The following WNK1 variants were observed in gnomAD, a reference collection of about 807,000 sequenced individuals.
WNK1 encodes the protein WNK lysine deficient protein kinase 1.
In WNK1, 38 loss-of-function variants were observed where a neutral mutation model predicts 222.8. That is an observed-to-expected ratio of 0.17 (90% CI 0.13 to 0.22). The LOEUF (loss-of-function observed/expected upper bound fraction) is 0.22. Among genes scored for constraint, WNK1 ranks in the 10% least tolerant of loss-of-function variants. The probability of loss-of-function intolerance (pLI) is 1.00; values close to 1 mark genes in which losing one functional copy is unlikely to be tolerated. For missense variants in WNK1, 2,348 were observed against 2,918.4 expected (o/e 0.80, Z 4.50); for synonymous variants, 1,090 against 1,092.9 (o/e 1.00, Z 0.05).
In WNK1 at chr12:785,523, G is replaced by T. The variant is rs575194942; in HGVS notation, c.760-28119G>T. On this transcript the variant is annotated intron_variant, in intron 1 of 27. Transcript: ENST00000315939. ...TCAAGCAGTTCTGCCTCAGCCTCCCGAGTAGCTGGGATTACAGGCACCCGC... is the reference window on the plus strand; with the variant it reads ...TCAAGCAGTTCTGCCTCAGCCTCCCTAGTAGCTGGGATTACAGGCACCCGC... 2.1e-5 allele frequency among the ~76,000 whole-genome samples: 3 copies of T among 144,232 alleles called. No homozygotes were observed. The South Asian group carries it at 6.5e-4, about 31-fold the overall frequency. 94.6% of individuals were successfully genotyped at this position (144,232 alleles called of 152,430 possible).
chr12:822,878 A>C, intron 2 of WNK1, among the ~76,000 whole-genome samples: 1 of 152,184 alleles, frequency 6.6e-6, no homozygotes, highest in East Asian at 1.9e-4. Context: ...TATGGCTTCA[A>C]GTTATTGTCT....
intron 1 of WNK1, among the ~76,000 whole-genome samples, chr12:778,116 T>C (rs1370160864): frequency 6.6e-6 from 1 of 152,074 alleles, no homozygotes; most frequent in African/African-American, 2.4e-5. Context: ...AATTTCACCT[T>C]TTTGCTTATA....
Position 909,272 on chromosome 12 carries a change from C to T in WNK1, c.*480C>T, listed in dbSNP as rs1223340396. Reference sequence around the variant, plus strand: ...CCTCCTCCCTTTTTTTTACCCCTCTCTTTTTTATTTTTTCTTTGCTCTTTA... The same window carrying T: ...CCTCCTCCCTTTTTTTTACCCCTCTTTTTTTTATTTTTTCTTTGCTCTTTA... On this transcript the variant is annotated 3_prime_UTR_variant, in exon 28 of 28. Transcript: ENST00000315939. 6.0e-6 allele frequency: 1 copy of T among 167,580 alleles called. No homozygotes were observed. Among genetic ancestry groups the T allele is most frequent in the African/African-American group, 2.4e-5 (1 of 41,610 alleles). The allele number at this position is 167,580 out of a possible 1,614,324, so 10.4% of individuals were successfully genotyped here. A position where few individuals can be genotyped will look rare whatever the true frequency, so the allele number is the denominator to read the frequency against.
In WNK1 at chr12:757,309, CTTTT is replaced by C. The variant is rs946901263; in HGVS notation, c.759+3006_759+3009del. 2.2e-3 allele frequency among the ~76,000 whole-genome samples: 180 copies of C among 83,600 alleles called. 1 individual carries two copies. The highest frequency in any genetic ancestry group is 3.8e-3 in the South Asian group (8 of 2,130). 54.8% of individuals were successfully genotyped at this position (83,600 alleles called of 152,430 possible). ...CTCTTTAGTAAAACAAGCATCAATT[CTTTT>C]TTTTTTTTTTTTTTTTTTTTAAAAA... On this transcript the variant is annotated intron_variant, in intron 1 of 27. Coordinates refer to ENST00000315939, the MANE Select transcript of WNK1 (RefSeq NM_018979.4).
At chr12:804,538 A>T (rs1355477537) in intron 1 of WNK1, among the ~76,000 whole-genome samples, 1 of 151,642 alleles carries the variant, frequency 6.6e-6, no homozygotes, top group Non-Finnish European at 1.5e-5. Context: ...ACGCCCAGCT[A>T]ATTTTTGTAT....
chr12:878,215 C>G lies in WNK1; in HGVS notation c.2227C>G (p.Gln743Glu), dbSNP rs1290157519. The change falls in exon 10 of 28, where the codon CAG becomes GAG. Residue 743 changes from glutamine (Q) to glutamate (E), a missense_variant. Coordinates refer to ENST00000315939, the MANE Select transcript of WNK1 (RefSeq NM_018979.4). ...AATCATTGTATTTTATTCTTAGCAG[C>G]AGGGAATACAGCAGACAGCCCCTCC... is the stretch of plus-strand genomic sequence containing the variant. ...SQPIQHPQQQ[Q>E]GIQQTAPPQQ... The G allele has an allele frequency of 1.2e-6, 2 of 1,614,018 alleles. No homozygotes were observed. Among genetic ancestry groups the G allele is most frequent in the Admixed American group, 1.7e-5 (1 of 60,006 alleles).
chr12:844,484 A>C (rs1019958264), intron 4 of WNK1, among the ~76,000 whole-genome samples: 3 of 152,200 alleles, frequency 2.0e-5, no homozygotes, highest in African/African-American at 7.2e-5. Flanking sequence ...GCTGTAGAAA[A>C]TGTGGAATAA....
intron 1 of WNK1, among the ~76,000 whole-genome samples, chr12:805,618 A>T (rs935396151): frequency 2.4e-4 from 36 of 152,314 alleles, no homozygotes; most frequent in Non-Finnish European, 2.5e-4. Context: ...TATCTATTTC[A>T]GTTACAAATT....
In WNK1 at chr12:908,043, C is replaced by T. The variant is rs1169106690; in HGVS notation, c.6831+9C>T. On this transcript the variant is annotated intron_variant, in intron 27 of 27. Coordinates refer to ENST00000315939, the MANE Select transcript of WNK1 (RefSeq NM_018979.4). ...GGCACATGAATTACGAGGTAAGTCT[C>T]TCTTTTGCCGCAGAGAATCCGTAAC... 1.2e-6 allele frequency: 2 copies of T among 1,613,906 alleles called. No homozygotes were observed. Among genetic ancestry groups the T allele is most frequent in the Non-Finnish European group, 1.7e-6 (2 of 1,179,986 alleles).
intron 4 of WNK1, among the ~76,000 whole-genome samples, chr12:855,608 C>T (rs1392102797): frequency 6.6e-6 from 1 of 152,088 alleles, no homozygotes; most frequent in South Asian, 2.1e-4. Context: ...TATTTAATAA[C>T]TTAACTTTTC....
chr12:776,109 C>T (rs1290190204), intron 1 of WNK1, among the ~76,000 whole-genome samples: 1 of 152,146 alleles, frequency 6.6e-6, no homozygotes, highest in Non-Finnish European at 1.5e-5. Context: ...TCATGGCTTA[C>T]TGCAGCTTTG....
chr12:903,719 C>G (rs1955462489), intron 26 of WNK1, among the ~76,000 whole-genome samples: 1 of 152,140 alleles, frequency 6.6e-6, no homozygotes, highest in Non-Finnish European at 1.5e-5. Flanking sequence ...CAGGATACAT[C>G]ATGTAAGCCT....
chr12:907,993 C>G lies in WNK1; in HGVS notation c.6790C>G (p.Leu2264Val), dbSNP rs761363777. Residue 2264 changes from leucine (L) to valine (V), a missense_variant, in exon 27 of 28, where the codon CTC (leucine) becomes GTC (valine). By Grantham distance (32) the Leu-to-Val change is conservative (BLOSUM62 1). This residue lies in a region of WNK1 where 55 missense variants were observed against 104.1 expected (regional missense o/e 0.53). Transcript: ENST00000315939. ...VDNWARDAMN[L>V]SGRRGSKGHM... ...CAATTGGGCCCGAGATGCCATGAAT[C>G]TCTCAGGCAGGAGAGGAAGCAAAGG... The G allele has an allele frequency of 6.2e-7, 1 of 1,614,166 alleles. No individual in the cohort carries two copies. The highest frequency in any genetic ancestry group is 8.5e-7 in the Non-Finnish European group (1 of 1,180,036).
At position 911,059 on chromosome 12, in the gene WNK1, A is replaced by ATCTT; in HGVS notation, c.*2269_*2272dup. 2.7e-6 allele frequency: 1 copy of ATCTT among 373,608 alleles called. No homozygotes were observed. The allele number at this position is 373,608 out of a possible 1,614,324, so 23.1% of individuals were successfully genotyped here. A position where few individuals can be genotyped will look rare whatever the true frequency, so the allele number is the denominator to read the frequency against. ...ATTTGGGTTTAATAATAATTTTGAC[A>ATCTT]TCTTTTCACTCATACACAAAAAAAG... On this transcript the variant is annotated 3_prime_UTR_variant, in exon 28 of 28. Coordinates refer to ENST00000315939, the MANE Select transcript of WNK1 (RefSeq NM_018979.4).
chr12:866,984 G>A (rs1312744435), intron 8 of WNK1, among the ~76,000 whole-genome samples: 7 of 152,058 alleles, frequency 4.6e-5, no homozygotes, highest in African/African-American at 9.7e-5. Flanking sequence ...TTAGCTGGGC[G>A]TGGTGGCGCA....
intron 8 of WNK1, chr12:864,984 G>T: frequency 1.6e-6 from 2 of 1,212,794 alleles, no homozygotes; most frequent in Non-Finnish European, 2.2e-6. Context: ...AAAAAAAACT[G>T]ACTTTGTGGA....
chr12:796,684 C>T (rs2153986319), intron 1 of WNK1, among the ~76,000 whole-genome samples: 1 of 152,224 alleles, frequency 6.6e-6, no homozygotes, highest in South Asian at 2.1e-4. Context: ...TTTTCCTGCC[C>T]CTAAAAAACA....
intron 25 of WNK1, 53 bp from the exon 26 acceptor site, chr12:900,423 A>G: frequency 6.3e-7 from 1 of 1,589,968 alleles, no homozygotes. Flanking sequence ...GTGCCTGATG[A>G]GTGCATGGGA....
intron 1 of WNK1, among the ~76,000 whole-genome samples, chr12:759,766 C>T (rs1395390008): frequency 6.8e-6 from 1 of 148,030 alleles, no homozygotes; most frequent in African/African-American, 2.4e-5. Context: ...AATCAAGGCT[C>T]AGCTACATAA....
Sources: gnomAD v4.1 joint callset for allele counts (sites outside exome capture counted in the v4.1 genomes callset) on GRCh38, gnomAD v4.1.1 for gene constraint, gnomAD v4.1.1 regional missense constraint, MANE v1.5 for transcripts, NCBI Gene and HGNC (gene_info 2026-07-23, HGNC 2026-07-21) for gene names.